FHDC1: variants seen among roughly 807,000 people sequenced by gnomAD.
FHDC1 encodes the protein FH2 domain-containing protein 1.
Under a neutral mutation model 52.6 loss-of-function variants are expected in FHDC1, and 25 were observed. That is an observed-to-expected ratio of 0.48 (90% CI 0.35 to 0.66). The LOEUF (loss-of-function observed/expected upper bound fraction) is 0.66, where lower values mean the gene tolerates loss of function less well. Ranked by LOEUF, FHDC1 falls within the 30% of genes least tolerant of loss-of-function variation. FHDC1 has a pLI of 0.01. For missense variants in FHDC1, 1,459 were observed against 1,452.8 expected (o/e 1.00, Z -0.07); for synonymous variants, 616 against 581.5 (o/e 1.06, Z -0.85).
chr4:152,972,958 G>A (rs1740685424), intron 11 of FHDC1, among the ~76,000 whole-genome samples: 1 of 152,268 alleles, frequency 6.6e-6, no homozygotes, highest in South Asian at 2.1e-4. Flanking sequence ...ATGATGGAAC[G>A]GCCCTCCCTT....
At chr4:152,927,809 G>A in the FHDC1 span, 4 of 1,439,268 alleles carry the variant, frequency 2.8e-6, no homozygotes, top group Admixed American at 5.0e-5. Flanking sequence ...CCTCAAGAAG[G>A]TTGGAATTTC....
chr4:152,949,643 G>A (rs563195792), intron 2 of FHDC1, among the ~76,000 whole-genome samples: 31 of 152,308 alleles, frequency 2.0e-4, no homozygotes, highest in African/African-American at 6.3e-4. Flanking sequence ...TAAACTAGAA[G>A]AGCTGATTTG....
chr4:152,963,769 G>GTTTTTTTTTTTTTTTTTTTT (rs58783965), intron 8 of FHDC1, among the ~76,000 whole-genome samples: 4 of 51,802 alleles, frequency 7.7e-5, no homozygotes, highest in African/African-American at 2.6e-4. Context: ...CCATTGCTTT[G>GTTTTTTTTTTTTTTTTTTTT]TTTTTTTTTT....
At chr4:152,935,844 T>TGC (rs1171942278), upstream of FHDC1, among the ~76,000 whole-genome samples, 59 of 133,178 alleles carry the variant, frequency 4.4e-4, no homozygotes, top group East Asian at 0.011. Context: ...TGTGTGTGTG[T>TGC]GTGCGCGCGT....
Position 152,960,768 on chromosome 4 carries a change from GGTGCTA to G in FHDC1, c.775_780del (p.Val259_Leu260del). On this transcript the variant is annotated inframe_deletion, in exon 6 of 12. Coordinates refer to ENST00000511601, the MANE Select transcript of FHDC1 (RefSeq NM_001371116.1). ...GCTATTCACTTCGGATTGAAGCCATGGTGCTAAAGAAGGAATTTCTACCTTCTTGCT... is the reference window on the plus strand; with the variant it reads ...GCTATTCACTTCGGATTGAAGCCATGAAGAAGGAATTTCTACCTTCTTGCT... The G allele has an allele frequency of 1.2e-6, 2 of 1,612,936 alleles. No homozygotes were observed. Among genetic ancestry groups the G allele is most frequent in the Non-Finnish European group, 8.5e-7 (1 of 1,179,788 alleles).
At chr4:152,922,113 GACTA>G in the FHDC1 span, among the ~76,000 whole-genome samples, 1 of 152,098 alleles carries the variant, frequency 6.6e-6, no homozygotes, top group Non-Finnish European at 1.5e-5. Context: ...CCACTAGCAA[GACTA>G]ACAAAGAAGA....
Position 152,974,656 on chromosome 4 carries a change from G to C in FHDC1, c.1384-19G>C, listed in dbSNP as rs760820093. ...TCCCACATGTCTCATGCATCTTCGGGCTTCTCTCCATCCCTCAGGACAACC... is the reference window on the plus strand; with the variant it reads ...TCCCACATGTCTCATGCATCTTCGGCCTTCTCTCCATCCCTCAGGACAACC... On this transcript the variant is annotated intron_variant, in intron 11 of 11. Transcript: ENST00000511601. The C allele has an allele frequency of 3.5e-5, 52 of 1,503,308 alleles. No homozygotes were observed. Among genetic ancestry groups the C allele is most frequent in the Non-Finnish European group, 4.4e-5 (49 of 1,126,056 alleles). 93.1% of individuals were successfully genotyped at this position (1,503,308 alleles called of 1,614,324 possible).
intron 3 of FHDC1, 120 bp from the exon 4 acceptor site, chr4:152,954,097 G>A (rs1263311135): frequency 1.3e-6 from 1 of 791,746 alleles, no homozygotes; most frequent in Admixed American, 2.4e-5. Context: ...AAAACTGCCA[G>A]CCAGTCTGGG....
chr4:152,948,543 T>A (rs950585853), intron 2 of FHDC1, among the ~76,000 whole-genome samples: 2 of 152,120 alleles, frequency 1.3e-5, no homozygotes, highest in African/African-American at 2.4e-5. Flanking sequence ...AACCTCCACC[T>A]CCTGGTTCAA....
At chr4:152,954,005 A>G (rs981075366) in intron 3 of FHDC1, among the ~76,000 whole-genome samples, 2 of 152,154 alleles carry the variant, frequency 1.3e-5, no homozygotes, top group African/African-American at 2.4e-5. Flanking sequence ...ATGCCCAAGG[A>G]TGGTGCTCTG....
the FHDC1 span, among the ~76,000 whole-genome samples, chr4:152,924,104 C>T: frequency 6.6e-6 from 1 of 151,728 alleles, no homozygotes; most frequent in Non-Finnish European, 1.5e-5. Flanking sequence ...TCGCAACCTA[C>T]TCATCTGACA....
At chr4:152,950,131 C>T (rs1275947024) in intron 2 of FHDC1, among the ~76,000 whole-genome samples, 4 of 152,202 alleles carry the variant, frequency 2.6e-5, no homozygotes, top group Admixed American at 6.5e-5. Flanking sequence ...GTGAGTCCCA[C>T]TGGGATCCCA....
At chr4:152,929,042 A>C in the FHDC1 span, among the ~76,000 whole-genome samples, 1 of 152,202 alleles carries the variant, frequency 6.6e-6, no homozygotes, top group African/African-American at 2.4e-5. This position sits in a 1 kb window ranked among gnomAD's most constrained non-coding sequence, Gnocchi z 4.1. Context: ...TCAGGAGGTC[A>C]CAATGACATG....
chr4:152,938,714 C>T (rs1382346725), intron 1 of FHDC1, among the ~76,000 whole-genome samples: 4 of 152,190 alleles, frequency 2.6e-5, no homozygotes, highest in African/African-American at 9.7e-5. Flanking sequence ...TGGCACATGC[C>T]AGGAGTCAAG....
At chr4:152,918,327 A>G in the FHDC1 span, 8 of 152,222 alleles carry the variant, frequency 5.3e-5, no homozygotes, top group Non-Finnish European at 1.2e-4. Flanking sequence ...CCCATTCACT[A>G]GTAGTGAACT....
chr4:152,970,123 CTA>C (rs748178264), intron 10 of FHDC1, among the ~76,000 whole-genome samples: 91 of 152,314 alleles, frequency 6.0e-4, no homozygotes, highest in Non-Finnish European at 1.0e-3. Context: ...GACTCAAACT[CTA>C]TGCCATAAGA....
intron 8 of FHDC1, 35 bp from the exon 9 acceptor site, chr4:152,964,870 C>T (rs756499642): frequency 6.5e-7 from 1 of 1,544,400 alleles, no homozygotes; most frequent in Admixed American, 1.9e-5. Flanking sequence ...CCAGTTTTAT[C>T]AACATAGTGA....
chr4:152,919,665 C>T, the FHDC1 span, among the ~76,000 whole-genome samples: 1 of 152,152 alleles, frequency 6.6e-6, no homozygotes, highest in African/African-American at 2.4e-5. Context: ...GTTGAAGTGG[C>T]AGAATTCATC....
chr4:152,957,161 G>A (rs774949718), intron 4 of FHDC1, among the ~76,000 whole-genome samples: 1 of 152,150 alleles, frequency 6.6e-6, no homozygotes, highest in Admixed American at 6.5e-5. Flanking sequence ...TAATAAATTC[G>A]TAAGTGGACA....
Sources: allele counts gnomAD v4.1 joint callset (sites outside exome capture counted in the v4.1 genomes callset), GRCh38; gene constraint gnomAD v4.1.1; non-coding constraint Gnocchi (gnomAD v3.1); transcripts MANE v1.5; gene names NCBI Gene and HGNC (gene_info 2026-07-23, HGNC 2026-07-21).